SCRG1: variants seen among roughly 807,000 people sequenced by gnomAD.
The protein encoded by SCRG1 is stimulator of chondrogenesis 1.
SCRG1 carries 3 observed loss-of-function variants against 7.7 expected under a neutral mutation model. That is an observed-to-expected ratio of 0.39 (90% CI 0.18 to 1.01). The LOEUF is 1.01. Ranked by LOEUF, SCRG1 falls within the 50% of genes least tolerant of loss-of-function variation. The pLI is 0.36. For missense variants in SCRG1, 110 were observed against 117.2 expected, an observed-to-expected ratio of 0.94 and a Z score of 0.28; for synonymous variants, 46 against 41.2, an observed-to-expected ratio of 1.12 and a Z score of -0.44.
upstream of SCRG1, among the ~76,000 whole-genome samples, chr4:173,411,157 T>C (rs2126928163): frequency 6.6e-6 from 1 of 152,380 alleles, no homozygotes; most frequent in African/African-American, 2.4e-5. Context: ...TATTGTTTTA[T>C]GCATCCTCAG....
the SCRG1 span, among the ~76,000 whole-genome samples, chr4:173,491,217 C>CTTTT: frequency 2.1e-3 from 284 of 133,052 alleles, 2 homozygotes; most frequent in Non-Finnish European, 3.5e-3. Context: ...CTCTCTCTCT[C>CTTTT]TTTTTTTTTT....
chr4:173,480,889 T>G, the SCRG1 span, among the ~76,000 whole-genome samples: 3 of 152,028 alleles, frequency 2.0e-5, no homozygotes, highest in Admixed American at 6.6e-5. Context: ...ATGTATTGGG[T>G]TATGGGTATG....
the SCRG1 span, among the ~76,000 whole-genome samples, chr4:173,500,472 T>TGTGTGTGTG: frequency 2.9e-4 from 44 of 150,120 alleles, no homozygotes; most frequent in Admixed American, 2.6e-4. Context: ...TTAGTAAATT[T>TGTGTGTGTG]TGTGTGTGTG....
chr4:173,483,906 C>CATATAATATATGTTATATATATTTT, the SCRG1 span, among the ~76,000 whole-genome samples: 3 of 80,982 alleles, frequency 3.7e-5, no homozygotes, highest in Non-Finnish European at 4.2e-5. Flanking sequence ...ATATATATTT[C>CATATAATATATGTTATATATATTTT]ATATAATATA....
chr4:173,485,292 T>C, the SCRG1 span, among the ~76,000 whole-genome samples: 1 of 54,338 alleles, frequency 1.8e-5, no homozygotes, highest in South Asian at 3.4e-4. Flanking sequence ...TCAAGAAGCC[T>C]TGCAAGTTTT....
the SCRG1 span, among the ~76,000 whole-genome samples, chr4:173,451,143 G>A: frequency 6.6e-6 from 1 of 151,930 alleles, no homozygotes; most frequent in African/African-American, 2.4e-5. Flanking sequence ...TAGAAGTCAG[G>A]CAGAGATTCC....
At chr4:173,467,242 A>AT in the SCRG1 span, among the ~76,000 whole-genome samples, 6 of 151,650 alleles carry the variant, frequency 4.0e-5, no homozygotes, top group African/African-American at 1.2e-4. Context: ...TTGGAAAAAA[A>AT]AAGATATTTT....
the SCRG1 span, among the ~76,000 whole-genome samples, chr4:173,430,357 C>G: frequency 3.3e-5 from 5 of 152,148 alleles, no homozygotes; most frequent in African/African-American, 1.2e-4. Flanking sequence ...AAAGCATTCT[C>G]AGGTTGATAA....
At chr4:173,514,648 G>C in the SCRG1 span, among the ~76,000 whole-genome samples, 3 of 152,144 alleles carry the variant, frequency 2.0e-5, no homozygotes, top group Non-Finnish European at 4.4e-5. Flanking sequence ...TCTACCCATA[G>C]GTCATTAAAT....
the SCRG1 span, among the ~76,000 whole-genome samples, chr4:173,445,105 T>TA: frequency 0.075 from 11,355 of 151,554 alleles, 490 homozygotes; most frequent in Middle Eastern, 0.11. Context: ...ACAGAAATGA[T>TA]AAAAAAAGCC....
the SCRG1 span, chr4:173,419,851 C>G: frequency 2.3e-6 from 3 of 1,284,288 alleles, no homozygotes; most frequent in Non-Finnish European, 2.2e-6. Context: ...TATTGAGAAG[C>G]CTGCGGGCCA....
At chr4:173,436,816 A>G in the SCRG1 span, among the ~76,000 whole-genome samples, 2 of 152,088 alleles carry the variant, frequency 1.3e-5, no homozygotes, top group African/African-American at 4.8e-5. Flanking sequence ...CTTCGTGTAG[A>G]CACTACAACT....
At chr4:173,394,543 A>T (rs1403851570) in intron 1 of SCRG1, among the ~76,000 whole-genome samples, 2 of 152,028 alleles carry the variant, frequency 1.3e-5, no homozygotes, top group Non-Finnish European at 2.9e-5. Flanking sequence ...ACTTGGGAGG[A>T]TGAGGCAGGA....
chr4:173,448,079 G>A, the SCRG1 span, among the ~76,000 whole-genome samples: 1 of 152,180 alleles, frequency 6.6e-6, no homozygotes, highest in Non-Finnish European at 1.5e-5. Flanking sequence ...ACTCCAGCCT[G>A]GGCAACAAGA....
chr4:173,419,524 T>C, the SCRG1 span: 1 of 732,638 alleles, frequency 1.4e-6, no homozygotes, highest in South Asian at 1.4e-5. Flanking sequence ...GCAGGTCATC[T>C]GCAAACTTCT....
chr4:173,460,847 G>A, the SCRG1 span, among the ~76,000 whole-genome samples: 20 of 152,284 alleles, frequency 1.3e-4, 1 homozygote, highest in African/African-American at 4.3e-4. Flanking sequence ...GCCCTGAAGT[G>A]TGATTACCAG....
chr4:173,450,179 G>A, the SCRG1 span, among the ~76,000 whole-genome samples: 2 of 152,076 alleles, frequency 1.3e-5, no homozygotes, highest in Non-Finnish European at 2.9e-5. Flanking sequence ...GCAAGCACAG[G>A]GGAAATTGCC....
the SCRG1 span, among the ~76,000 whole-genome samples, chr4:173,450,191 C>A: frequency 1.3e-5 from 2 of 152,140 alleles, no homozygotes; most frequent in African/African-American, 2.4e-5. Flanking sequence ...GAAATTGCCA[C>A]TTATAAAACC....
At chr4:173,496,950 C>G in the SCRG1 span, among the ~76,000 whole-genome samples, 2 of 151,760 alleles carry the variant, frequency 1.3e-5, no homozygotes, top group Admixed American at 6.6e-5. Context: ...ACTAAAAATA[C>G]AAAAAATTAG....
Sources: allele counts gnomAD v4.1 joint callset (sites outside exome capture counted in the v4.1 genomes callset), GRCh38; gene constraint gnomAD v4.1.1; transcripts MANE v1.5; gene names NCBI Gene and HGNC (gene_info 2026-07-23, HGNC 2026-07-21).